The following APBA2 variants were observed in gnomAD, a reference collection of about 807,000 sequenced individuals.
The protein encoded by APBA2 is amyloid beta precursor protein binding family A member 2.
In APBA2, 30 loss-of-function variants were observed where a neutral mutation model predicts 75.0. That is an observed-to-expected ratio of 0.40 (90% CI 0.30 to 0.54). APBA2 has a LOEUF of 0.54. Among genes scored for constraint, APBA2 ranks in the 20% least tolerant of loss-of-function variants. The pLI is 0.49. For synonymous variants in APBA2, 444 were observed against 409.6 expected (o/e 1.08, Z -1.01); for missense variants, 801 against 1,016.1 (o/e 0.79, Z 2.88).
chr15:29,001,913 G>A (rs1454544139), intron 3 of APBA2, among the ~76,000 whole-genome samples: 1 of 152,142 alleles, frequency 6.6e-6, no homozygotes, highest in Non-Finnish European at 1.5e-5. Context: ...TGTAACTTTT[G>A]ATTAATGATA....
At chr15:29,109,393 C>G (rs565694249) in intron 13 of APBA2, among the ~76,000 whole-genome samples, 1 of 152,168 alleles carries the variant, frequency 6.6e-6, no homozygotes, top group Non-Finnish European at 1.5e-5. Context: ...TCTCCATATA[C>G]TGAGAGCTTA....
chr15:29,098,957 T>C (rs2043986015), intron 9 of APBA2, among the ~76,000 whole-genome samples: 4 of 151,990 alleles, frequency 2.6e-5, no homozygotes, highest in Admixed American at 2.6e-4. Context: ...GGCCCTCACA[T>C]ACCCTGATAC....
At chr15:29,079,644 G>A (rs562452513) in intron 6 of APBA2, among the ~76,000 whole-genome samples, 237 of 152,194 alleles carry the variant, frequency 1.6e-3, no homozygotes, top group African/African-American at 5.4e-3. Context: ...GCCTCCTGGC[G>A]TGTCCAGTGC....
At chr15:29,069,487 G>A (rs146261743) in intron 4 of APBA2, among the ~76,000 whole-genome samples, 80 of 152,318 alleles carry the variant, frequency 5.3e-4, no homozygotes, top group African/African-American at 1.8e-3. Context: ...ATGCATGAGG[G>A]TTCTGATTAC....
rs185981518 is a variant in APBA2, at chr15:28,939,532, T to G, written c.-95+17783T>G. 2.6e-4 allele frequency among the ~76,000 whole-genome samples: 39 copies of G among 152,362 alleles called. 1 individual carries two copies. In the East Asian group the frequency reaches 7.3e-3, roughly 29 times the overall value. ...CCTCACCAGCACTTGTGTTTTCATT[T>G]TTTTTGTTTTTCTTTTCTTTCTTCT... On this transcript the variant is annotated intron_variant, in intron 2 of 14. Coordinates refer to ENST00000683413, the MANE Select transcript of APBA2 (RefSeq NM_001353788.2).
At chr15:29,021,792 A>G (rs1405749972) in intron 3 of APBA2, among the ~76,000 whole-genome samples, 2 of 152,076 alleles carry the variant, frequency 1.3e-5, no homozygotes, top group Non-Finnish European at 2.9e-5. Flanking sequence ...TCGGCCCAGC[A>G]TCTTTCCACT....
chr15:28,932,943 T>C (rs1191395817), intron 2 of APBA2, among the ~76,000 whole-genome samples: 1 of 152,100 alleles, frequency 6.6e-6, no homozygotes, highest in African/African-American at 2.4e-5. Context: ...ATTATTTGGC[T>C]CAGAGTTCTA....
In APBA2 at chr15:29,024,968, C is replaced by T. The variant is rs1320691550; in HGVS notation, c.-40-28877C>T. Among the ~76,000 whole-genome samples, 3 of 152,156 alleles carry T rather than the reference C, an allele frequency of 2.0e-5. No individual in the cohort carries two copies. In the South Asian group the frequency reaches 6.2e-4, roughly 32 times the overall value. ...GAGTATCAATGGAGTGGGCAGTGTG[C>T]TTGTCCCATGGAGGAGGAAGGGGTA... is the stretch of plus-strand genomic sequence containing the variant. On this transcript the variant is annotated intron_variant, in intron 3 of 14. Coordinates refer to ENST00000683413, the MANE Select transcript of APBA2 (RefSeq NM_001353788.2).
At chr15:29,020,961 T>C (rs1045822989) in intron 3 of APBA2, among the ~76,000 whole-genome samples, 8 of 152,104 alleles carry the variant, frequency 5.3e-5, no homozygotes, top group African/African-American at 1.4e-4. Flanking sequence ...CCTCAGACAA[T>C]ATATAAGCGT....
chr15:29,094,151 G>T (rs750818570), intron 7 of APBA2, 127 bp from the exon 8 acceptor site: 1 of 976,204 alleles, frequency 1.0e-6, no homozygotes, highest in Non-Finnish European at 1.7e-6. Flanking sequence ...CTGTCCACCC[G>T]TCCCTGCTGG....
intron 2 of APBA2, among the ~76,000 whole-genome samples, chr15:28,931,229 T>G (rs2034547028): frequency 6.6e-6 from 1 of 152,140 alleles, no homozygotes; most frequent in Non-Finnish European, 1.5e-5. Flanking sequence ...GCTTGTCACC[T>G]CTCCTGGCCC....
At chr15:28,997,966 G>A (rs2038623463) in intron 3 of APBA2, among the ~76,000 whole-genome samples, 1 of 152,142 alleles carries the variant, frequency 6.6e-6, no homozygotes, top group South Asian at 2.1e-4. Context: ...AGAGAAAGGC[G>A]GCAAGGAGAT....
chr15:28,920,980 T>C (rs1429979457), intron 1 of APBA2, among the ~76,000 whole-genome samples: 1 of 152,106 alleles, frequency 6.6e-6, no homozygotes, highest in East Asian at 1.9e-4. Flanking sequence ...TGAGCGCTGA[T>C]GGCCACCTGC....
At chr15:29,108,873 T>C (rs757510904) in intron 13 of APBA2, among the ~76,000 whole-genome samples, 2 of 152,214 alleles carry the variant, frequency 1.3e-5, no homozygotes, top group Non-Finnish European at 1.5e-5. Context: ...GAGTGCTGCC[T>C]GGAGGAGGTG....
At chr15:29,017,416 T>TTG (rs2039723904) in intron 3 of APBA2, among the ~76,000 whole-genome samples, 1 of 144,700 alleles carries the variant, frequency 6.9e-6, no homozygotes, top group Non-Finnish European at 1.5e-5. Context: ...TTTTTTTTTT[T>TTG]TTGAGATGGA....
rs1042257637 is a variant in APBA2, at chr15:29,055,320, C to G, written c.951+485C>G. Reference sequence around the variant, plus strand: ...AGAGTGCATTTCACAATGGACGGGTCTCTGAAAGCCCGGGGGCCTTGGCCT... The same window carrying G: ...AGAGTGCATTTCACAATGGACGGGTGTCTGAAAGCCCGGGGGCCTTGGCCT... On this transcript the variant is annotated intron_variant, in intron 4 of 14. Coordinates refer to ENST00000683413, the MANE Select transcript of APBA2 (RefSeq NM_001353788.2). Among the ~76,000 whole-genome samples, 89 of 152,180 alleles carry G rather than the reference C, an allele frequency of 5.8e-4. 1 individual carries two copies. The highest frequency in any genetic ancestry group is 3.5e-3 in the Admixed American group (53 of 15,288).
chr15:29,019,472 C>G (rs148933468), intron 3 of APBA2, among the ~76,000 whole-genome samples: 1 of 152,218 alleles, frequency 6.6e-6, no homozygotes, highest in Non-Finnish European at 1.5e-5. Flanking sequence ...CTACAACCTT[C>G]CTCTCCCTAG....
At chr15:28,979,064 A>T (rs894490336) in intron 2 of APBA2, among the ~76,000 whole-genome samples, 1 of 152,200 alleles carries the variant, frequency 6.6e-6, no homozygotes, top group Non-Finnish European at 1.5e-5. Flanking sequence ...TCTTCCCAGA[A>T]GTGCTGGAGG....
At chr15:28,930,971 T>C (rs1490516555) in intron 2 of APBA2, among the ~76,000 whole-genome samples, 1 of 152,216 alleles carries the variant, frequency 6.6e-6, no homozygotes, top group African/African-American at 2.4e-5. Context: ...GCTCTGGTCA[T>C]GGCCTCCTGC....
Sources: allele counts gnomAD v4.1 joint callset (sites outside exome capture counted in the v4.1 genomes callset), GRCh38; gene constraint gnomAD v4.1.1; transcripts MANE v1.5; gene names NCBI Gene and HGNC (gene_info 2026-07-23, HGNC 2026-07-21).